Variants in ATP6V1C2 observed in about 807,000 individuals in gnomAD.
ATP6V1C2 encodes the protein ATPase H+ transporting V1 subunit C2.
A neutral mutation model predicts 56.8 loss-of-function variants in ATP6V1C2; 45 were observed. The observed-to-expected ratio is 0.79, with a 90% confidence interval of 0.62 to 1.02. The LOEUF is 1.02. ATP6V1C2 is among the 50% of genes least tolerant of loss of function. The pLI, the probability that ATP6V1C2 is intolerant of heterozygous loss-of-function variation, is 0.00. For missense variants in ATP6V1C2, 463 were observed against 519.7 expected, an observed-to-expected ratio of 0.89 and a Z score of 1.06; for synonymous variants, 220 against 201.3, an observed-to-expected ratio of 1.09 and a Z score of -0.79.
rs1312471863 is a variant in ATP6V1C2 at position 10,780,930 on chromosome 2, C to T, written c.1062-1313C>T. The stretch of plus-strand genomic sequence containing the variant: ...CAGCTAATTTTTGTAATTTTAGTAG[C>T]GACGGGGTTTCACCACGTTGGCCAG... On this transcript the variant is annotated intron_variant, in intron 12 of 13. Coordinates refer to ENST00000272238, the MANE Select transcript of ATP6V1C2 (RefSeq NM_001039362.2). This position sits in a 1 kb window ranked among gnomAD's most constrained non-coding sequence, Gnocchi z 4.1. Among the ~76,000 whole-genome samples, 1 of 151,940 alleles carries T rather than the reference C, an allele frequency of 6.6e-6. No individual in the cohort carries two copies. Among genetic ancestry groups the T allele is most frequent in the Non-Finnish European group, 1.5e-5 (1 of 67,982 alleles).
At chr2:10,744,481 C>T (rs1055863490) in intron 3 of ATP6V1C2, among the ~76,000 whole-genome samples, 3 of 152,106 alleles carry the variant, frequency 2.0e-5, no homozygotes, top group Non-Finnish European at 2.9e-5. Flanking sequence ...TTCTGTGAAC[C>T]TATAGACGAG....
chr2:10,742,752 G>T (rs1465825463), intron 3 of ATP6V1C2, among the ~76,000 whole-genome samples: 1 of 152,152 alleles, frequency 6.6e-6, no homozygotes, highest in Non-Finnish European at 1.5e-5. Context: ...GGGGTCCAGG[G>T]TTTAGAAATC....
intron 12 of ATP6V1C2, among the ~76,000 whole-genome samples, chr2:10,779,969 C>T (rs566633478): frequency 1.7e-4 from 26 of 152,268 alleles, no homozygotes; most frequent in South Asian, 4.1e-4. Flanking sequence ...CACCGCCTGC[C>T]GCTCTGACTC....
intron 13 of ATP6V1C2, among the ~76,000 whole-genome samples, 193 bp from the exon 14 acceptor site, chr2:10,782,981 C>G (rs1399219649): frequency 6.6e-6 from 1 of 151,558 alleles, no homozygotes; most frequent in Non-Finnish European, 1.5e-5. Flanking sequence ...CAAAGCAAAA[C>G]TATCTGTCAG....
chr2:10,782,341 A>G lies in ATP6V1C2; in HGVS notation c.1160A>G (p.His387Arg). 3 of 1,614,248 alleles carry G rather than the reference A, an allele frequency of 1.9e-6. No individual in the cohort carries two copies. Among genetic ancestry groups the G allele is most frequent in the South Asian group, 2.2e-5 (2 of 91,082 alleles). The part of the protein sequence containing the change: ...LREVLNSVFR[H>R]LDEVAATSIL... ...GAGGTTCTAAACTCTGTCTTCCGAC[A>G]TCTGGATGAAGTAGCCGCTACAAGT... The change falls in exon 13 of 14, where the codon CAT becomes CGT. Residue 387 changes from histidine to arginine, a missense_variant. His to Arg is a conservative substitution (Grantham distance 29, BLOSUM62 0). Coordinates refer to ENST00000272238, the MANE Select transcript of ATP6V1C2 (RefSeq NM_001039362.2).
Position 10,785,074 on chromosome 2 carries a change from A to T in ATP6V1C2, c.*1811A>T. On this transcript the variant is annotated 3_prime_UTR_variant, in exon 14 of 14. Transcript: ENST00000272238. ...AAACACACACACACATTTACAATGG[A>T]CTGCTGGTGCAGAAGAATAAACAAC... 2.3e-6 allele frequency: 3 copies of T among 1,284,868 alleles called. No homozygotes were observed. The highest frequency in any genetic ancestry group is 1.1e-6 in the Non-Finnish European group (1 of 903,106). 79.6% of individuals were successfully genotyped at this position (1,284,868 alleles called of 1,614,324 possible).
At chr2:10,782,453 C>A (rs1330000343) in intron 13 of ATP6V1C2, 78 bp downstream of exon 13, 26 of 1,523,538 alleles carry the variant, frequency 1.7e-5, no homozygotes, top group Non-Finnish European at 2.3e-5. Context: ...TGCCTGTAAT[C>A]CCAACACTTT....
At chr2:10,753,893 A>G (rs1235369652) in intron 3 of ATP6V1C2, 88 bp from the exon 4 acceptor site, 1 of 1,232,472 alleles carries the variant, frequency 8.1e-7, no homozygotes, top group African/African-American at 1.5e-5. Context: ...AAAGGGTGTC[A>G]CCAGCTACTT....
chr2:10,766,369 AC>A (rs1664220877), intron 5 of ATP6V1C2, among the ~76,000 whole-genome samples: 1 of 152,180 alleles, frequency 6.6e-6, no homozygotes, highest in African/African-American at 2.4e-5. Context: ...CTATCATCTC[AC>A]AATAATTCCA....
intron 3 of ATP6V1C2, among the ~76,000 whole-genome samples, chr2:10,738,008 C>T (rs1662352406): frequency 2.0e-5 from 3 of 152,316 alleles, no homozygotes; most frequent in South Asian, 4.1e-4. Flanking sequence ...ACAGTTACAA[C>T]TCCTCGAAGG....
chr2:10,741,258 C>T (rs1662536129), intron 3 of ATP6V1C2, among the ~76,000 whole-genome samples: 1 of 152,232 alleles, frequency 6.6e-6, no homozygotes, highest in South Asian at 2.1e-4. Flanking sequence ...TAGTGAGCCT[C>T]ACTGGACCTT....
chr2:10,728,048 TTAAAA>T (rs1180926653), intron 3 of ATP6V1C2, among the ~76,000 whole-genome samples: 1 of 152,206 alleles, frequency 6.6e-6, no homozygotes, highest in Non-Finnish European at 1.5e-5. Context: ...TAAATATGTC[TTAAAA>T]TTAATATTAT....
At chr2:10,766,614 T>G (rs575439826) in intron 5 of ATP6V1C2, among the ~76,000 whole-genome samples, 5 of 152,214 alleles carry the variant, frequency 3.3e-5, no homozygotes, top group Non-Finnish European at 7.3e-5. Flanking sequence ...TATATAAATC[T>G]TATTTTAAAA....
chr2:10,775,883 C>T (rs1445693943), intron 10 of ATP6V1C2, among the ~76,000 whole-genome samples: 5 of 152,244 alleles, frequency 3.3e-5, no homozygotes, highest in South Asian at 2.1e-4. Context: ...CCTCTAGTGA[C>T]AGGGCAGGAG....
chr2:10,748,117 C>T (rs1282589487), intron 3 of ATP6V1C2, among the ~76,000 whole-genome samples: 3 of 152,108 alleles, frequency 2.0e-5, no homozygotes, highest in Non-Finnish European at 4.4e-5. Flanking sequence ...TGGGTGGTCT[C>T]GAACTCCTGA....
At chr2:10,752,592 T>C (rs939689996) in intron 3 of ATP6V1C2, among the ~76,000 whole-genome samples, 1 of 152,252 alleles carries the variant, frequency 6.6e-6, no homozygotes. Flanking sequence ...GAGCAGACTC[T>C]CCTTGCTACC....
rs1198194439 is a variant in ATP6V1C2 at position 10,784,206 on chromosome 2, A to T, written c.*943A>T. The stretch of plus-strand genomic sequence containing the variant: ...GAGAATGTCCCTTCACTGCTGGAAA[A>T]ATCCACTGGCTCCCAAGAAAAGAAA... On this transcript the variant is annotated 3_prime_UTR_variant, in exon 14 of 14. Coordinates refer to ENST00000272238, the MANE Select transcript of ATP6V1C2 (RefSeq NM_001039362.2). The T allele has an allele frequency of 6.2e-6, 9 of 1,462,790 alleles. No individual in the cohort carries two copies. Among genetic ancestry groups the T allele is most frequent in the South Asian group, 4.8e-5 (4 of 83,854 alleles). 90.6% of individuals were successfully genotyped at this position (1,462,790 alleles called of 1,614,324 possible).
intron 10 of ATP6V1C2, among the ~76,000 whole-genome samples, chr2:10,775,317 C>A (rs1331679825): frequency 1.3e-5 from 2 of 152,194 alleles, no homozygotes; most frequent in Non-Finnish European, 2.9e-5. Flanking sequence ...CTGGCGCTTT[C>A]CACATGTGTT....
At chr2:10,729,352 C>T (rs1412931521) in intron 3 of ATP6V1C2, among the ~76,000 whole-genome samples, 4 of 151,714 alleles carry the variant, frequency 2.6e-5, no homozygotes, top group East Asian at 3.9e-4. Flanking sequence ...TTAGTAGAGA[C>T]GGTGTTTCAC....
Sources: allele counts gnomAD v4.1 joint callset (sites outside exome capture counted in the v4.1 genomes callset), GRCh38; gene constraint gnomAD v4.1.1; non-coding constraint Gnocchi (gnomAD v3.1); transcripts MANE v1.5; gene names NCBI Gene and HGNC (gene_info 2026-07-23, HGNC 2026-07-21).